Variants in DLG2 observed in about 807,000 individuals in gnomAD.
The protein encoded by DLG2 is discs large MAGUK scaffold protein 2.
A neutral mutation model predicts 132.5 loss-of-function variants in DLG2; 45 were observed. The ratio of observed to expected loss-of-function variants is 0.34; its 90% CI spans 0.27 to 0.44. DLG2 has a LOEUF of 0.44. DLG2 is among the 20% of genes least tolerant of loss of function. The pLI, the probability that DLG2 is intolerant of heterozygous loss-of-function variation, is 1.00. For missense variants in DLG2, 1,045 were observed against 1,196.9 expected, an observed-to-expected ratio of 0.87 and a Z score of 1.87; for synonymous variants, 424 against 419.6, an observed-to-expected ratio of 1.01 and a Z score of -0.13.
chr11:83,790,678 TG>T, intron 17 of DLG2: 1 of 892,002 alleles, frequency 1.1e-6, no homozygotes, highest in South Asian at 1.3e-5. Flanking sequence ...GGACCCACTC[TG>T]GGGCTCTGCA....
intron 8 of DLG2, among the ~76,000 whole-genome samples, chr11:84,171,566 T>G (rs1253476263): frequency 6.6e-6 from 1 of 152,240 alleles, no homozygotes; most frequent in African/African-American, 2.4e-5. Flanking sequence ...TTCTTTTTTA[T>G]GGCTGAATAG....
chr11:84,900,470 C>T (rs1321257545), intron 6 of DLG2, among the ~76,000 whole-genome samples: 1 of 151,990 alleles, frequency 6.6e-6, no homozygotes, highest in East Asian at 1.9e-4. Context: ...TGAAAAGTAA[C>T]TAGAGAATCA....
chr11:85,523,574 C>A (rs894249612), intron 3 of DLG2, among the ~76,000 whole-genome samples: 1 of 152,060 alleles, frequency 6.6e-6, no homozygotes, highest in Non-Finnish European at 1.5e-5. Flanking sequence ...AAAAGACAGG[C>A]AATAACAAAT....
chr11:85,259,024 G>A (rs2076806289), intron 4 of DLG2, among the ~76,000 whole-genome samples: 1 of 152,138 alleles, frequency 6.6e-6, no homozygotes, highest in South Asian at 2.1e-4. Context: ...CTCCTTTGAG[G>A]TTCTGTCACC....
intron 3 of DLG2, among the ~76,000 whole-genome samples, chr11:85,333,098 ATTTG>A (rs2081884183): frequency 6.6e-6 from 1 of 152,026 alleles, no homozygotes; most frequent in South Asian, 2.1e-4. Context: ...ATAATTTTCC[ATTTG>A]TTTGTGTCTT....
At chr11:83,873,500 T>C (rs964662600) in intron 16 of DLG2, among the ~76,000 whole-genome samples, 6 of 152,154 alleles carry the variant, frequency 3.9e-5, no homozygotes, top group African/African-American at 1.4e-4. Flanking sequence ...CTCATTCTCT[T>C]TCTTGCTGCC....
chr11:84,707,454 G>A (rs2059904750), intron 6 of DLG2, among the ~76,000 whole-genome samples: 1 of 151,762 alleles, frequency 6.6e-6, no homozygotes, highest in Non-Finnish European at 1.5e-5. Flanking sequence ...TGATTTAACT[G>A]GAAGTATCAA....
intron 6 of DLG2, among the ~76,000 whole-genome samples, chr11:85,000,276 C>G (rs915313261): frequency 2.6e-5 from 4 of 152,136 alleles, no homozygotes; most frequent in African/African-American, 9.7e-5. Context: ...CAAGACAGCA[C>G]TGTAAGAGTT....
intron 3 of DLG2, among the ~76,000 whole-genome samples, chr11:85,378,433 T>G (rs1201397471): frequency 1.3e-5 from 2 of 152,148 alleles, no homozygotes; most frequent in Non-Finnish European, 2.9e-5. Context: ...TGACCTTCAG[T>G]TTCCTCATAT....
chr11:83,471,630 C>A lies in DLG2; in HGVS notation c.2442G>T (p.Val814=). 1 of 1,611,840 alleles carries A rather than the reference C, an allele frequency of 6.2e-7. No homozygotes were observed. The highest frequency in any genetic ancestry group is 8.5e-7 in the Non-Finnish European group (1 of 1,178,320). ...GGAAAGAAAAATGACACTTACGAGG[C>A]ACACAGGAGCCAAATTTATCAGGGA... ...SEFPDKFGSC[V]PHTTRPKRDY... The change falls in exon 24 of 28, where the codon GTG becomes GTT. Residue 814 remains valine, a synonymous_variant. Coordinates refer to ENST00000376104, the MANE Select transcript of DLG2 (RefSeq NM_001142699.3).
intron 7 of DLG2, among the ~76,000 whole-genome samples, chr11:84,481,520 G>A (rs1035398389): frequency 6.6e-6 from 1 of 152,122 alleles, no homozygotes; most frequent in African/African-American, 2.4e-5. Context: ...TAATTCATGT[G>A]AAGGGCCATA....
chr11:83,712,827 G>A (rs960377791), intron 18 of DLG2, among the ~76,000 whole-genome samples: 4 of 152,162 alleles, frequency 2.6e-5, no homozygotes, highest in South Asian at 2.1e-4. Context: ...ACAGGGGCAC[G>A]GAGAGCATCA....
chr11:84,634,155 T>A (rs1206869104), intron 6 of DLG2, among the ~76,000 whole-genome samples: 2 of 152,120 alleles, frequency 1.3e-5, no homozygotes, highest in African/African-American at 2.4e-5. Flanking sequence ...GGATTTGAGA[T>A]CTTTGTTTCT....
At chr11:84,656,877 C>T (rs1595028512) in intron 6 of DLG2, among the ~76,000 whole-genome samples, 1 of 152,136 alleles carries the variant, frequency 6.6e-6, no homozygotes. Context: ...CTCTACCCCC[C>T]AACAAGTTTA....
At chr11:84,963,137 T>G (rs1407711228) in intron 6 of DLG2, among the ~76,000 whole-genome samples, 1 of 152,164 alleles carries the variant, frequency 6.6e-6, no homozygotes, top group Non-Finnish European at 1.5e-5. Context: ...ACTAAATAAT[T>G]TCAGGATCTC....
At chr11:84,424,404 A>G (rs1023648383) in intron 7 of DLG2, among the ~76,000 whole-genome samples, 5 of 152,136 alleles carry the variant, frequency 3.3e-5, no homozygotes, top group Non-Finnish European at 5.9e-5. Flanking sequence ...AATTGTATGC[A>G]CCCCATAATA....
At chr11:85,012,633 A>G (rs1457328006) in intron 6 of DLG2, among the ~76,000 whole-genome samples, 2 of 152,184 alleles carry the variant, frequency 1.3e-5, no homozygotes, top group Non-Finnish European at 2.9e-5. Context: ...AATGAAAAAA[A>G]TTATTTGCTG....
intron 6 of DLG2, among the ~76,000 whole-genome samples, chr11:85,031,766 C>T (rs991254008): frequency 6.6e-6 from 1 of 151,970 alleles, no homozygotes; most frequent in African/African-American, 2.4e-5. Context: ...CTACTTGAAG[C>T]AAACCTTGTA....
chr11:83,906,253 TCTCTCACACA>T (rs2074850656), intron 15 of DLG2, among the ~76,000 whole-genome samples: 7 of 96,768 alleles, frequency 7.2e-5, no homozygotes, highest in Admixed American at 2.0e-4. Flanking sequence ...TCTCTCTCTC[TCTCTCACACA>T]CACACACACA....
Sources: gnomAD v4.1 joint callset for allele counts (sites outside exome capture counted in the v4.1 genomes callset) on GRCh38, gnomAD v4.1.1 for gene constraint, MANE v1.5 for transcripts, NCBI Gene and HGNC (gene_info 2026-07-23, HGNC 2026-07-21) for gene names.